ABLIM1: variants seen among roughly 807,000 people sequenced by gnomAD.
ABLIM1 encodes the protein actin-binding LIM protein 1.
In ABLIM1, 40 loss-of-function variants were observed where a neutral mutation model predicts 107.0. The ratio of observed to expected loss-of-function variants is 0.37; its 90% CI spans 0.29 to 0.49. The LOEUF (loss-of-function observed/expected upper bound fraction) is 0.49. ABLIM1 is among the 20% of genes least tolerant of loss of function. The pLI is 0.97. For missense variants in ABLIM1, 857 were observed against 1,008.5 expected (o/e 0.85, Z 2.04); for synonymous variants, 357 against 357.3 (o/e 1.00, Z 0.01).
At chr10:114,579,337 T>C (rs2073069541) in intron 2 of ABLIM1, among the ~76,000 whole-genome samples, 1 of 152,224 alleles carries the variant, frequency 6.6e-6, no homozygotes, top group South Asian at 2.1e-4. Context: ...ATTGTGGATA[T>C]TGACAGCCCT....
chr10:114,628,216 G>A lies in ABLIM1; in HGVS notation c.245-26255C>T, dbSNP rs546191078. ...CCTTAAAGAGAACTGTGACCAAGGT[G>A]TCTTAGCACCCCACTGCTCTCTACA... On this transcript the variant is annotated intron_variant, in intron 1 of 22. Coordinates refer to ENST00000533213, the MANE Select transcript of ABLIM1 (RefSeq NM_002313.7). 3.2e-4 allele frequency among the ~76,000 whole-genome samples: 48 copies of A among 152,350 alleles called. 1 individual carries two copies. The South Asian group carries it at 9.9e-3, about 32-fold the overall frequency.
At chr10:114,451,410 A>G (rs945900035) in intron 14 of ABLIM1, among the ~76,000 whole-genome samples, 4 of 152,214 alleles carry the variant, frequency 2.6e-5, no homozygotes, top group Non-Finnish European at 5.9e-5. Context: ...GGGCTCAGCA[A>G]CAGGTTAGAA....
intron 6 of ABLIM1, among the ~76,000 whole-genome samples, chr10:114,520,364 TAGA>T (rs1302756847): frequency 2.0e-5 from 3 of 152,150 alleles, no homozygotes; most frequent in Non-Finnish European, 4.4e-5. Flanking sequence ...ATTAAAAATG[TAGA>T]AGAACTCTGT....
In ABLIM1 at chr10:114,440,070, A is replaced by C. The variant is rs1303195906; in HGVS notation, c.2067+12T>G. On this transcript the variant is annotated intron_variant, in intron 20 of 22. Coordinates refer to ENST00000533213, the MANE Select transcript of ABLIM1 (RefSeq NM_002313.7). ...GGTGTGGCCAATTCAAGAAAGACAAAGTGTTCCATACCTGGTAATCTGAAA... is the reference window on the plus strand; with the variant it reads ...GGTGTGGCCAATTCAAGAAAGACAACGTGTTCCATACCTGGTAATCTGAAA... The C allele has an allele frequency of 6.2e-7, 1 of 1,613,788 alleles. No individual in the cohort carries two copies. The highest frequency in any genetic ancestry group is 1.3e-5 in the African/African-American group (1 of 74,940).
At chr10:114,672,347 T>G (rs946481235) in intron 1 of ABLIM1, among the ~76,000 whole-genome samples, 1 of 152,042 alleles carries the variant, frequency 6.6e-6, no homozygotes, top group Non-Finnish European at 1.5e-5. Context: ...ACTACAGGCA[T>G]GTGCCACCAT....
At chr10:114,599,838 T>C (rs1007223887) in intron 2 of ABLIM1, among the ~76,000 whole-genome samples, 4 of 151,318 alleles carry the variant, frequency 2.6e-5, no homozygotes, top group Admixed American at 1.3e-4. Flanking sequence ...AAATAAAAAA[T>C]ATATGTGGCT....
chr10:114,607,766 AAAAC>A (rs2140145080), intron 1 of ABLIM1, among the ~76,000 whole-genome samples: 1 of 152,366 alleles, frequency 6.6e-6, no homozygotes, highest in Non-Finnish European at 1.5e-5. Flanking sequence ...AAGATCATAA[AAAAC>A]AAAGAACATC....
intron 1 of ABLIM1, among the ~76,000 whole-genome samples, chr10:114,653,367 C>T (rs1333681): frequency 0.32 from 48,077 of 150,594 alleles, 8,666 homozygotes; most frequent in South Asian, 0.42. Context: ...CAAAGTGAGA[C>T]CCTGTCTCTA....
chr10:114,714,686 G>A (rs909018532), intron 1 of ABLIM1, among the ~76,000 whole-genome samples: 3 of 152,178 alleles, frequency 2.0e-5, no homozygotes, highest in Non-Finnish European at 2.9e-5. Context: ...ACTCAGAAGG[G>A]TTGGTTTGGC....
intron 1 of ABLIM1, chr10:114,690,345 G>C (rs2081047915): frequency 6.2e-7 from 1 of 1,604,400 alleles, no homozygotes; most frequent in Non-Finnish European, 8.5e-7. Flanking sequence ...ATTTGCCATG[G>C]ACAAGATGCC....
intron 1 of ABLIM1, among the ~76,000 whole-genome samples, chr10:114,681,102 T>C (rs1195484968): frequency 6.6e-6 from 1 of 152,236 alleles, no homozygotes; most frequent in African/African-American, 2.4e-5. Context: ...TCCATGAATC[T>C]GCAGGTACAT....
At chr10:114,471,912 A>G (rs1019289320) in intron 10 of ABLIM1, among the ~76,000 whole-genome samples, 14 of 152,076 alleles carry the variant, frequency 9.2e-5, no homozygotes, top group Admixed American at 1.3e-4. Context: ...AATAAAAGAG[A>G]AAAAAATGAG....
chr10:114,479,380 G>C (rs1487589094), intron 8 of ABLIM1, among the ~76,000 whole-genome samples: 1 of 152,126 alleles, frequency 6.6e-6, no homozygotes, highest in East Asian at 1.9e-4. Flanking sequence ...ACCGCACTTG[G>C]ACTCCTTCCC....
intron 1 of ABLIM1, among the ~76,000 whole-genome samples, chr10:114,747,936 A>T (rs146615428): frequency 1.3e-5 from 2 of 152,144 alleles, no homozygotes; most frequent in African/African-American, 2.4e-5. Context: ...GCTACTTGGG[A>T]GGCTGAGGCA....
chr10:114,644,321 A>G (rs2078910408), intron 1 of ABLIM1, among the ~76,000 whole-genome samples: 1 of 124,498 alleles, frequency 8.0e-6, no homozygotes, highest in Non-Finnish European at 1.6e-5. Context: ...ATATATATAT[A>G]TATATATATG....
the ABLIM1 span, among the ~76,000 whole-genome samples, chr10:114,798,562 C>CT: frequency 2.0e-4 from 29 of 147,530 alleles, no homozygotes; most frequent in East Asian, 5.3e-3. Context: ...TGAGACCCCC[C>CT]CCCCATGTCT....
chr10:114,616,150 T>G (rs747121220), intron 1 of ABLIM1, among the ~76,000 whole-genome samples: 4 of 152,018 alleles, frequency 2.6e-5, no homozygotes, highest in Non-Finnish European at 4.4e-5. Flanking sequence ...TTGGGAGACA[T>G]AGCAAGACCC....
At chr10:114,650,871 C>G (rs368479163) in intron 1 of ABLIM1, among the ~76,000 whole-genome samples, 3 of 152,178 alleles carry the variant, frequency 2.0e-5, no homozygotes, top group African/African-American at 7.2e-5. Flanking sequence ...AAGTATTTAT[C>G]GAGCTCCAAC....
intron 1 of ABLIM1, among the ~76,000 whole-genome samples, chr10:114,696,622 T>C (rs1032274740): frequency 2.6e-5 from 4 of 152,226 alleles, no homozygotes; most frequent in East Asian, 1.9e-4. Flanking sequence ...TGGGATCTGA[T>C]GGTTTTATAA....
Sources: gnomAD v4.1 joint callset for allele counts (sites outside exome capture counted in the v4.1 genomes callset) on GRCh38, gnomAD v4.1.1 for gene constraint, MANE v1.5 for transcripts, NCBI Gene and HGNC (gene_info 2026-07-23, HGNC 2026-07-21) for gene names.